The following CHRM2 variants were observed in gnomAD, a reference collection of about 807,000 sequenced individuals.
The protein encoded by CHRM2 is cholinergic receptor muscarinic 2.
CHRM2 carries 8 observed loss-of-function variants against 25.0 expected under a neutral mutation model. That is an observed-to-expected ratio of 0.32 (90% CI 0.19 to 0.58). CHRM2 has a LOEUF of 0.58. Among genes scored for constraint, CHRM2 ranks in the 20% least tolerant of loss-of-function variants. CHRM2 has a pLI of 0.88. For synonymous variants in CHRM2, 202 were observed against 205.7 expected, an observed-to-expected ratio of 0.98 and a Z score of 0.15; for missense variants, 440 against 567.1, an observed-to-expected ratio of 0.78 and a Z score of 2.28.
At chr7:136,887,278 T>TA (rs547473390) in intron 2 of CHRM2, among the ~76,000 whole-genome samples, 1 of 152,048 alleles carries the variant, frequency 6.6e-6, no homozygotes, top group Non-Finnish European at 1.5e-5. Context: ...ATGCTTTGCT[T>TA]AAAAAACCTT....
At chr7:136,890,185 C>T (rs1435328990) in intron 2 of CHRM2, among the ~76,000 whole-genome samples, 4 of 152,162 alleles carry the variant, frequency 2.6e-5, no homozygotes, top group Admixed American at 2.6e-4. Flanking sequence ...TAGTAGTTTG[C>T]ACTTAAATAT....
chr7:136,901,182 G>T (rs941028060), intron 2 of CHRM2, among the ~76,000 whole-genome samples: 1 of 152,008 alleles, frequency 6.6e-6, no homozygotes, highest in Admixed American at 6.6e-5. Context: ...CCCTGGGAAA[G>T]GAAAAATTCC....
intron 2 of CHRM2, among the ~76,000 whole-genome samples, chr7:136,890,538 C>T (rs1265640341): frequency 2.0e-5 from 3 of 152,192 alleles, no homozygotes; most frequent in African/African-American, 7.2e-5. Context: ...GAAATATGAG[C>T]AGACACAGTC....
At chr7:136,901,954 A>G (rs997951266) in intron 2 of CHRM2, 4 of 151,926 alleles carry the variant, frequency 2.6e-5, no homozygotes, top group Non-Finnish European at 5.9e-5. Flanking sequence ...AATCCATTAC[A>G]CAGCCAGACA....
Position 137,015,615 on chromosome 7 carries a change from C to A in CHRM2, c.750C>A (p.Ser250Arg), listed in dbSNP as rs964339453. The change falls in exon 4 of 4, where the codon AGC (serine) becomes AGA (arginine). Residue 250 changes from serine (S) to arginine (R), a missense_variant. Around this residue, in one of 5 missense-constraint regions of CHRM2, gnomAD observed 261 missense variants for 261.8 expected, o/e 1.00. Transcript: ENST00000680005. This position sits in a 1 kb window ranked among gnomAD's most constrained non-coding sequence, Gnocchi z 5.1. Reference sequence around the variant, plus strand: ...AGCCAAACAATAACAACATGCCCAGCAGTGACGATGGCCTGGAGCACAACA... The same window carrying A: ...AGCCAAACAATAACAACATGCCCAGAAGTGACGATGGCCTGGAGCACAACA... ...IVKPNNNNMP[S>R]SDDGLEHNKI... 6.2e-7 allele frequency: 1 copy of A among 1,612,956 alleles called. No individual in the cohort carries two copies. Among genetic ancestry groups the A allele is most frequent in the Non-Finnish European group, 8.5e-7 (1 of 1,179,544 alleles).
intron 2 of CHRM2, among the ~76,000 whole-genome samples, chr7:136,958,383 T>C (rs1029934167): frequency 1.3e-5 from 2 of 152,156 alleles, no homozygotes; most frequent in African/African-American, 4.8e-5. Flanking sequence ...ACTTCTATTT[T>C]CTATTGTACT....
intron 2 of CHRM2, among the ~76,000 whole-genome samples, chr7:136,938,752 G>A (rs777479494): frequency 8.6e-5 from 13 of 151,856 alleles, no homozygotes; most frequent in Non-Finnish European, 1.5e-4. Context: ...GAGGGAGGCC[G>A]CCATGCAGTG....
At chr7:136,974,624 T>C (rs549762833) in intron 2 of CHRM2, among the ~76,000 whole-genome samples, 1 of 152,168 alleles carries the variant, frequency 6.6e-6, no homozygotes, top group Non-Finnish European at 1.5e-5. Context: ...GGCTGTATTA[T>C]ATTATTTAAG....
intron 2 of CHRM2, among the ~76,000 whole-genome samples, chr7:136,941,064 G>A (rs1799743433): frequency 6.6e-6 from 1 of 152,156 alleles, no homozygotes; most frequent in Non-Finnish European, 1.5e-5. Flanking sequence ...CTTATCTGCT[G>A]AGGCCTGGGT....
chr7:136,979,796 T>G (rs1049363544), intron 2 of CHRM2, among the ~76,000 whole-genome samples: 2 of 152,160 alleles, frequency 1.3e-5, no homozygotes, highest in Non-Finnish European at 2.9e-5. Context: ...TTCTGTTCCA[T>G]TGGTCTATAT....
At chr7:136,963,488 A>C (rs575379879) in intron 2 of CHRM2, among the ~76,000 whole-genome samples, 1 of 152,314 alleles carries the variant, frequency 6.6e-6, no homozygotes, top group South Asian at 2.1e-4. Flanking sequence ...GAAGAACGTA[A>C]TTTACTGACA....
chr7:137,004,361 T>C (rs1231714847), intron 3 of CHRM2, among the ~76,000 whole-genome samples: 1 of 152,156 alleles, frequency 6.6e-6, no homozygotes, highest in Non-Finnish European at 1.5e-5. Flanking sequence ...GCTTTCACAC[T>C]GGGCATAGTC....
At chr7:136,997,603 G>A (rs890634595) in intron 3 of CHRM2, among the ~76,000 whole-genome samples, 2 of 152,130 alleles carry the variant, frequency 1.3e-5, no homozygotes. Context: ...GCATCTTTGA[G>A]ACTCAATGCA....
intron 3 of CHRM2, among the ~76,000 whole-genome samples, chr7:137,007,964 A>T (rs1804557826): frequency 6.6e-6 from 1 of 152,114 alleles, no homozygotes; most frequent in Admixed American, 6.6e-5. Context: ...CTCAAAGCCT[A>T]TTTAACACAT....
chr7:137,013,892 C>T lies in CHRM2; in HGVS notation c.-46-928C>T, dbSNP rs141199532. Among the ~76,000 whole-genome samples the T allele has an allele frequency of 4.7e-3, 721 of 152,114 alleles. 4 individuals carry two copies. Among genetic ancestry groups the T allele is most frequent in the Non-Finnish European group, 6.8e-3 (459 of 67,924 alleles). ...CAAAGTGAAAGAATGAATGACTGAA[C>T]AAACTGGGATTTCATCTTTCTGAGC... On this transcript the variant is annotated intron_variant, in intron 3 of 3. Transcript: ENST00000680005.
intron 2 of CHRM2, among the ~76,000 whole-genome samples, chr7:136,989,895 T>C (rs1803104016): frequency 6.6e-6 from 1 of 152,144 alleles, no homozygotes; most frequent in African/African-American, 2.4e-5. Flanking sequence ...GCAGAGCGCA[T>C]ACGTTTTCAA....
chr7:136,922,324 T>C (rs1311352411), intron 2 of CHRM2, among the ~76,000 whole-genome samples: 4 of 152,150 alleles, frequency 2.6e-5, no homozygotes, highest in Non-Finnish European at 5.9e-5. Context: ...ATATTTCCCC[T>C]AGATTCATGT....
intron 2 of CHRM2, among the ~76,000 whole-genome samples, chr7:136,982,583 T>C (rs1802558201): frequency 6.6e-6 from 1 of 152,214 alleles, no homozygotes; most frequent in Non-Finnish European, 1.5e-5. Context: ...CTGGTACCGG[T>C]TTTTCCTTTC....
intron 2 of CHRM2, among the ~76,000 whole-genome samples, chr7:136,914,631 G>A (rs746969117): frequency 7.2e-5 from 11 of 151,914 alleles, no homozygotes; most frequent in Admixed American, 2.6e-4. Context: ...GAGAAAAAAT[G>A]TTACGTTTTC....
Sources: gnomAD v4.1 joint callset for allele counts (sites outside exome capture counted in the v4.1 genomes callset) on GRCh38, gnomAD v4.1.1 for gene constraint, gnomAD v4.1.1 regional missense constraint, Gnocchi (gnomAD v3.1) non-coding constraint, MANE v1.5 for transcripts, NCBI Gene and HGNC (gene_info 2026-07-23, HGNC 2026-07-21) for gene names.